Variants in BTF3L4 observed in about 807,000 individuals in gnomAD.
The protein encoded by BTF3L4 is transcription factor BTF3 homolog 4.
BTF3L4 carries 6 observed loss-of-function variants against 16.8 expected under a neutral mutation model. The ratio of observed to expected loss-of-function variants is 0.36; its 90% CI spans 0.20 to 0.71. The LOEUF (loss-of-function observed/expected upper bound fraction) is 0.71, where lower values mean the gene tolerates loss of function less well. Ranked by LOEUF, BTF3L4 falls within the 30% of genes least tolerant of loss-of-function variation. The pLI, the probability that BTF3L4 is intolerant of heterozygous loss-of-function variation, is 0.58. For missense variants in BTF3L4, 92 were observed against 186.9 expected (o/e 0.49, Z 2.96); for synonymous variants, 39 against 59.8 (o/e 0.65, Z 1.60).
chr1:52,070,294 AGTTCAT>A (rs1043943559), intron 3 of BTF3L4, among the ~76,000 whole-genome samples: 1 of 151,126 alleles, frequency 6.6e-6, no homozygotes, highest in African/African-American at 2.4e-5. Context: ...TTGGTATAAT[AGTTCAT>A]TGGTATAATA....
chr1:52,064,768 G>T, intron 2 of BTF3L4, 57 bp from the exon 3 acceptor site: 1 of 956,592 alleles, frequency 1.0e-6, no homozygotes, highest in Non-Finnish European at 1.6e-6. Context: ...AGATGTGATT[G>T]CAGTTGCCAG....
At chr1:52,083,918 G>A (rs548449655) in intron 4 of BTF3L4, among the ~76,000 whole-genome samples, 1 of 151,952 alleles carries the variant, frequency 6.6e-6, no homozygotes, top group East Asian at 1.9e-4. Context: ...TACTCGGGAG[G>A]CTGAGGCAGG....
intron 1 of BTF3L4, among the ~76,000 whole-genome samples, chr1:52,056,800 A>G (rs72665051): frequency 0.011 from 1,730 of 152,348 alleles, 25 homozygotes; most frequent in South Asian, 0.015. Flanking sequence ...CCTTGAGTCC[A>G]GGGAACCGAA....
At chr1:52,079,702 T>A (rs2124440953) in intron 3 of BTF3L4, among the ~76,000 whole-genome samples, 1 of 152,192 alleles carries the variant, frequency 6.6e-6, no homozygotes, top group South Asian at 2.1e-4. Context: ...TGAGTTTGTT[T>A]ATTGTTTTTG....
In BTF3L4 at chr1:52,076,393, GT is replaced by G. The variant is rs530122172; in HGVS notation, c.169-6946del. Among the ~76,000 whole-genome samples the G allele has an allele frequency of 2.9e-3, 447 of 152,126 alleles. 2 individuals carry two copies. Among genetic ancestry groups the G allele is most frequent in the Non-Finnish European group, 4.6e-3 (312 of 67,982 alleles). On this transcript the variant is annotated intron_variant, in intron 3 of 5. Coordinates refer to ENST00000313334, the MANE Select transcript of BTF3L4 (RefSeq NM_152265.5). Reference sequence around the variant, plus strand: ...GTTCGAGACTAGCCTGACCAATATGGTGAAACCCCATCTCTACTAAAAATAC... The same window carrying G: ...GTTCGAGACTAGCCTGACCAATATGGGAAACCCCATCTCTACTAAAAATAC...
chr1:52,085,013 C>CTTTTT (rs764763479), intron 4 of BTF3L4, among the ~76,000 whole-genome samples: 33 of 58,532 alleles, frequency 5.6e-4, no homozygotes, highest in African/African-American at 1.3e-3. Flanking sequence ...TGAAAAAAAT[C>CTTTTT]TTTTTTTTTT....
In BTF3L4 at chr1:52,089,548, T is replaced by G. The variant is rs1285050666; in HGVS notation, c.*2790T>G. ...TTAAATAACTAGTTAAATATGTGCTTCTTACTAAGATTAGGTATTTTTTGC... is the reference window on the plus strand; with the variant it reads ...TTAAATAACTAGTTAAATATGTGCTGCTTACTAAGATTAGGTATTTTTTGC... On this transcript the variant is annotated 3_prime_UTR_variant, in exon 6 of 6. Coordinates refer to ENST00000313334, the MANE Select transcript of BTF3L4 (RefSeq NM_152265.5). 1 of 152,186 alleles carries G rather than the reference T, an allele frequency of 6.6e-6. No homozygotes were observed. Among genetic ancestry groups the G allele is most frequent in the African/African-American group, 2.4e-5 (1 of 41,448 alleles). The allele number at this position is 152,186 out of a possible 1,614,324, so 9.4% of individuals were successfully genotyped here. A position where few individuals can be genotyped will look rare whatever the true frequency, so the allele number is the denominator to read the frequency against.
chr1:52,066,614 C>A (rs996478295), intron 3 of BTF3L4, among the ~76,000 whole-genome samples: 4 of 147,284 alleles, frequency 2.7e-5, no homozygotes, highest in Admixed American at 2.0e-4. Context: ...GAGGCCGAGG[C>A]GGGTGGATCA....
intron 3 of BTF3L4, among the ~76,000 whole-genome samples, chr1:52,080,926 G>T (rs1160931045): frequency 7.0e-6 from 1 of 143,188 alleles, no homozygotes; most frequent in Non-Finnish European, 1.5e-5. Flanking sequence ...TGCAACCTCT[G>T]ACTCCCTGGT....
At chr1:52,073,493 TAC>T (rs142147737) in intron 3 of BTF3L4, among the ~76,000 whole-genome samples, 29,425 of 139,132 alleles carry the variant, frequency 0.21, 2,938 homozygotes, top group East Asian at 0.3. Flanking sequence ...ATATGCTACA[TAC>T]ACACACACAC....
chr1:52,073,995 T>G (rs1417723218), intron 3 of BTF3L4, among the ~76,000 whole-genome samples: 2 of 151,400 alleles, frequency 1.3e-5, no homozygotes, highest in Non-Finnish European at 2.9e-5. Flanking sequence ...AGACTCCATC[T>G]CAAAAAAAGA....
chr1:52,088,900 C>T lies in BTF3L4; in HGVS notation c.*2142C>T, dbSNP rs1643995173. The T allele has an allele frequency of 6.6e-6, 1 of 151,278 alleles. No homozygotes were observed. The highest frequency in any genetic ancestry group is 1.5e-5 in the Non-Finnish European group (1 of 68,030). The allele number at this position is 151,278 out of a possible 1,614,324, so 9.4% of individuals were successfully genotyped here. On this transcript the variant is annotated 3_prime_UTR_variant, in exon 6 of 6. Transcript: ENST00000313334. The stretch of plus-strand genomic sequence containing the variant: ...CAAGCGATTCTCCTGTCTCAGCCTC[C>T]ACAGTAGCTGGGATTTTTTTTTTTT...
chr1:52,067,692 A>G (rs1475054267), intron 3 of BTF3L4, among the ~76,000 whole-genome samples: 2 of 152,214 alleles, frequency 1.3e-5, no homozygotes, highest in Admixed American at 6.5e-5. Flanking sequence ...GAATTCTGAT[A>G]ATATTAAACC....
At chr1:52,084,130 T>C (rs1413383454) in intron 4 of BTF3L4, among the ~76,000 whole-genome samples, 1 of 152,200 alleles carries the variant, frequency 6.6e-6, no homozygotes, top group East Asian at 1.9e-4. Context: ...AATTTTATTT[T>C]ATTTTATTTC....
intron 2 of BTF3L4, chr1:52,060,454 CT>C: frequency 7.9e-7 from 1 of 1,269,432 alleles, no homozygotes; most frequent in South Asian, 1.3e-5. Context: ...CTTACCTGTT[CT>C]TCCATGTTGG....
chr1:52,083,402 C>A lies in BTF3L4; in HGVS notation c.231C>A (p.Ser77=), dbSNP rs199657688. Reference sequence around the variant, plus strand: ...TCAACAATCCCAAAGTCCAAGCTTCCCTTTCTGCTAATACCTTTGCAATTA... The same window carrying A: ...TCAACAATCCCAAAGTCCAAGCTTCACTTTCTGCTAATACCTTTGCAATTA... ...IHFNNPKVQA[S]LSANTFAITG... The change falls in exon 4 of 6, where the codon TCC becomes TCA. Residue 77 remains serine (S), a synonymous_variant. Coordinates refer to ENST00000313334, the MANE Select transcript of BTF3L4 (RefSeq NM_152265.5). 24 of 1,611,800 alleles carry A rather than the reference C, an allele frequency of 1.5e-5. No individual in the cohort carries two copies. The highest frequency in any genetic ancestry group is 2.0e-5 in the Non-Finnish European group (23 of 1,178,304).
intron 3 of BTF3L4, among the ~76,000 whole-genome samples, chr1:52,073,480 T>C (rs1204680032): frequency 1.1e-4 from 14 of 123,668 alleles, no homozygotes; most frequent in African/African-American, 3.1e-4. Flanking sequence ...ATATGCACTA[T>C]ATATATGCTA....
At chr1:52,062,697 G>T (rs1304265616) in intron 2 of BTF3L4, among the ~76,000 whole-genome samples, 5 of 152,164 alleles carry the variant, frequency 3.3e-5, no homozygotes, top group Admixed American at 6.5e-5. Flanking sequence ...TGGCGTTGTG[G>T]AAAATGGAAC....
rs1469764492 is a variant in BTF3L4 at position 52,086,151 on chromosome 1, A to G, written c.410A>G (p.Glu137Gly). Residue 137 changes from glutamate (E) to glycine (G), a missense_variant, in exon 5 of 6, where the codon GAG (glutamate) becomes GGG (glycine). Glu to Gly is a moderately conservative substitution (Grantham distance 98, BLOSUM62 -2). Coordinates refer to ENST00000313334, the MANE Select transcript of BTF3L4 (RefSeq NM_152265.5). ...SKAPKPEDID[E>G]EDDDVPDLVE... The stretch of plus-strand genomic sequence containing the variant: ...GCACCAAAACCAGAAGACATTGATG[A>G]GGAAGATGATGATGTTCCAGGTAAG... 6.2e-7 allele frequency: 1 copy of G among 1,611,178 alleles called. No individual in the cohort carries two copies. Among genetic ancestry groups the G allele is most frequent in the Non-Finnish European group, 8.5e-7 (1 of 1,178,778 alleles).
Sources: allele counts gnomAD v4.1 joint callset (sites outside exome capture counted in the v4.1 genomes callset), GRCh38; gene constraint gnomAD v4.1.1; transcripts MANE v1.5; gene names NCBI Gene and HGNC (gene_info 2026-07-23, HGNC 2026-07-21).